TOPAZ1: variants seen among roughly 807,000 people sequenced by gnomAD.
TOPAZ1 encodes the protein protein TOPAZ1.
TOPAZ1 carries 66 observed loss-of-function variants against 172.2 expected under a neutral mutation model. That is an observed-to-expected ratio of 0.38 (90% confidence interval 0.31 to 0.47). TOPAZ1 has a LOEUF of 0.47. TOPAZ1 is among the 20% of genes least tolerant of loss of function. The pLI is 0.99. For missense variants in TOPAZ1, 1,822 were observed against 1,972.4 expected (o/e 0.92, Z 1.44); for synonymous variants, 681 against 683.9 (o/e 1.00, Z 0.07).
Position 44,243,787 on chromosome 3 carries a change from A to G in TOPAZ1, c.1281A>G (p.Glu427=), listed in dbSNP as rs1299878092. Residue 427 remains glutamate, a synonymous_variant, in exon 2 of 20, where the codon GAA becomes GAG. Transcript: ENST00000309765. ...QKTIEPLLKE[E]TENASEPLGY... Reference sequence around the variant, plus strand: ...CCATTGAACCACTTTTGAAAGAAGAAACAGAGAATGCTTCAGAGCCGTTAG... The same window carrying G: ...CCATTGAACCACTTTTGAAAGAAGAGACAGAGAATGCTTCAGAGCCGTTAG... 5 of 1,551,796 alleles carry G rather than the reference A, an allele frequency of 3.2e-6. No homozygotes were observed. In the African/African-American group the frequency reaches 6.8e-5, roughly 21 times the overall value.
chr3:44,257,125 T>C (rs997468684), intron 4 of TOPAZ1, among the ~76,000 whole-genome samples: 2 of 151,978 alleles, frequency 1.3e-5, no homozygotes, highest in African/African-American at 4.8e-5. Flanking sequence ...GGCCAGGAAT[T>C]TGAGACCAGC....
At chr3:44,310,742 G>A (rs1700389388) in intron 16 of TOPAZ1, among the ~76,000 whole-genome samples, 1 of 152,224 alleles carries the variant, frequency 6.6e-6, no homozygotes, top group African/African-American at 2.4e-5. Context: ...TTCAGCCGCT[G>A]TGTAAAATGG....
At chr3:44,294,662 C>G (rs1327571454) in intron 12 of TOPAZ1, among the ~76,000 whole-genome samples, 1 of 152,086 alleles carries the variant, frequency 6.6e-6, no homozygotes, top group Non-Finnish European at 1.5e-5. Context: ...CCATTGTGCC[C>G]TAGCTATATT....
At chr3:44,276,624 CTTTTTTTTTTTT>C (rs762865769) in intron 8 of TOPAZ1, among the ~76,000 whole-genome samples, 4 of 24,124 alleles carry the variant, frequency 1.7e-4, no homozygotes, top group Non-Finnish European at 3.2e-4. Flanking sequence ...CAGCTTTGTT[CTTTTTTTTTTTT>C]TTTTTTTTTT....
intron 2 of TOPAZ1, 116 bp downstream of exon 2, chr3:44,245,387 T>A: frequency 9.1e-7 from 1 of 1,102,096 alleles, no homozygotes; most frequent in South Asian, 2.1e-5. Context: ...TTAACCCAAT[T>A]ATTTATTAAA....
At chr3:44,333,636 G>A (rs1575223466), downstream of TOPAZ1, among the ~76,000 whole-genome samples, 2 of 152,170 alleles carry the variant, frequency 1.3e-5, no homozygotes, top group Admixed American at 1.3e-4. Context: ...CAAGTGTCTG[G>A]ACTGGTTTCT....
At chr3:44,256,088 C>T (rs1035137597) in intron 3 of TOPAZ1, 63 bp from the exon 4 acceptor site, 5 of 1,275,992 alleles carry the variant, frequency 3.9e-6, no homozygotes, top group Non-Finnish European at 5.3e-6. Context: ...TTTAGAACAG[C>T]CTTTGAATAA....
downstream of TOPAZ1, among the ~76,000 whole-genome samples, chr3:44,333,985 T>A (rs547699342): frequency 6.6e-6 from 1 of 152,346 alleles, no homozygotes; most frequent in African/African-American, 2.4e-5. Context: ...TAGGTAATGA[T>A]AAATGATTAT....
Position 44,267,075 on chromosome 3 carries a change from A to G in TOPAZ1, c.3099A>G (p.Leu1033=), listed in dbSNP as rs1699838237. Reference sequence around the variant, plus strand: ...CAGTCCCGAAACCTCTGTGTTTATTAGTACCTCCTTTGAATCTAAGTGGTC... The same window carrying G: ...CAGTCCCGAAACCTCTGTGTTTATTGGTACCTCCTTTGAATCTAAGTGGTC... ...AVPVPKPLCL[L]VPPLNLSGRQ... The change falls in exon 6 of 20, where the codon TTA becomes TTG. Residue 1033 remains leucine (L), a synonymous_variant. Transcript: ENST00000309765. The G allele has an allele frequency of 6.5e-7, 1 of 1,549,230 alleles. No individual in the cohort carries two copies. The highest frequency in any genetic ancestry group is 8.7e-7 in the Non-Finnish European group (1 of 1,145,794).
intron 18 of TOPAZ1, among the ~76,000 whole-genome samples, chr3:44,326,379 T>C (rs990980893): frequency 4.6e-5 from 7 of 152,242 alleles, no homozygotes; most frequent in Admixed American, 4.6e-4. Context: ...CATTACAGTT[T>C]TGGTTTTCAT....
chr3:44,285,133 T>C (rs1457222767), intron 9 of TOPAZ1, among the ~76,000 whole-genome samples: 3 of 152,128 alleles, frequency 2.0e-5, no homozygotes, highest in African/African-American at 7.2e-5. Context: ...GGTGAGTAAT[T>C]GGTAAAGTAG....
downstream of TOPAZ1, among the ~76,000 whole-genome samples, chr3:44,332,329 C>T (rs1700680105): frequency 6.6e-6 from 1 of 152,028 alleles, no homozygotes; most frequent in Admixed American, 6.6e-5. Flanking sequence ...AATATGCAAG[C>T]AGGTAACTGG....
intron 11 of TOPAZ1, among the ~76,000 whole-genome samples, chr3:44,288,737 T>C (rs1442985737): frequency 1.3e-5 from 2 of 152,216 alleles, no homozygotes; most frequent in Non-Finnish European, 2.9e-5. Context: ...AAGGATTCCA[T>C]AAATTGTCTG....
chr3:44,267,041 T>A lies in TOPAZ1; in HGVS notation c.3065T>A (p.Phe1022Tyr). The change falls in exon 6 of 20, where the codon TTT (phenylalanine) becomes TAT (tyrosine). Residue 1022 changes from phenylalanine to tyrosine, a missense_variant. By Grantham distance (22) the Phe-to-Tyr change is conservative. Coordinates refer to ENST00000309765, the MANE Select transcript of TOPAZ1 (RefSeq NM_001145030.2). Reference protein sequence around the residue: ...NADFMVGECQFAVPVPKPLCL... With the variant: ...NADFMVGECQYAVPVPKPLCL... The stretch of plus-strand genomic sequence containing the variant: ...GACTTTATGGTCGGCGAATGTCAAT[T>A]TGCAGTACCAGTCCCGAAACCTCTG... 6.5e-7 allele frequency: 1 copy of A among 1,548,532 alleles called. No individual in the cohort carries two copies. Among genetic ancestry groups the A allele is most frequent in the Non-Finnish European group, 8.7e-7 (1 of 1,145,938 alleles).
chr3:44,297,108 T>A (rs1179282707), intron 12 of TOPAZ1, among the ~76,000 whole-genome samples: 2 of 148,984 alleles, frequency 1.3e-5, no homozygotes, highest in Non-Finnish European at 3.0e-5. Context: ...GAGGCGGAGG[T>A]TACAGTGAGC....
chr3:44,242,194 G>C lies in TOPAZ1; in HGVS notation c.141G>C (p.Lys47Asn). 1 of 1,543,286 alleles carries C rather than the reference G, an allele frequency of 6.5e-7. No homozygotes were observed. Among genetic ancestry groups the C allele is most frequent in the Non-Finnish European group, 8.7e-7 (1 of 1,144,642 alleles). The stretch of plus-strand genomic sequence containing the variant: ...AGGCCGGGGGGTGCCGGGAAAATAA[G>C]CAAAAGAGGAGAATGGTGGCCCGGG... ...GPEAGGCREN[K>N]QKRRMVARAT... is the part of the protein sequence containing the mutation. The change falls in exon 1 of 20, where the codon AAG becomes AAC. Residue 47 changes from lysine (K) to asparagine (N), a missense_variant. By Grantham distance (94) the Lys-to-Asn change is moderately conservative (BLOSUM62 0). Around this residue, in one of 2 missense-constraint regions of TOPAZ1, gnomAD observed 1,489 missense variants for 1,490.8 expected, o/e 1.00. Coordinates refer to ENST00000309765, the MANE Select transcript of TOPAZ1 (RefSeq NM_001145030.2).
intron 16 of TOPAZ1, among the ~76,000 whole-genome samples, chr3:44,312,657 A>G (rs936126689): frequency 1.3e-5 from 2 of 152,216 alleles, no homozygotes; most frequent in Non-Finnish European, 2.9e-5. Context: ...CCTGCAAATG[A>G]GCAACAGATT....
chr3:44,257,383 G>GTGTGTGTGTT (rs1553645714), intron 4 of TOPAZ1, among the ~76,000 whole-genome samples: 3 of 136,662 alleles, frequency 2.2e-5, no homozygotes, highest in African/African-American at 8.6e-5. Flanking sequence ...GTGTGTGTGT[G>GTGTGTGTGTT]TGTGTGTGTG....
At chr3:44,258,122 T>C (rs1012175088) in intron 4 of TOPAZ1, among the ~76,000 whole-genome samples, 1 of 152,234 alleles carries the variant, frequency 6.6e-6, no homozygotes, top group Admixed American at 6.5e-5. Context: ...TGTAGCTTCC[T>C]AAAGTTGCAG....
Sources: allele counts gnomAD v4.1 joint callset (sites outside exome capture counted in the v4.1 genomes callset), GRCh38; gene constraint gnomAD v4.1.1; regional missense constraint gnomAD v4.1.1; transcripts MANE v1.5; gene names NCBI Gene and HGNC (gene_info 2026-07-23, HGNC 2026-07-21).